Variants in SSBP3 observed in about 807,000 individuals in gnomAD.
SSBP3 encodes single-stranded DNA-binding protein 3.
SSBP3 carries 5 observed loss-of-function variants against 69.6 expected under a neutral mutation model. The ratio of observed to expected loss-of-function variants is 0.07; its 90% CI spans 0.04 to 0.15. The LOEUF (loss-of-function observed/expected upper bound fraction) is 0.15, where lower values mean the gene tolerates loss of function less well. SSBP3 is among the 10% of genes least tolerant of loss of function. The pLI, the probability that SSBP3 is intolerant of heterozygous loss-of-function variation, is 1.00. For missense variants in SSBP3, 312 were observed against 534.0 expected, an observed-to-expected ratio of 0.58 and a Z score of 4.10; for synonymous variants, 196 against 193.4, an observed-to-expected ratio of 1.01 and a Z score of -0.11.
intron 4 of SSBP3, among the ~76,000 whole-genome samples, chr1:54,306,031 G>A (rs768622847): frequency 5.3e-5 from 8 of 151,622 alleles, no homozygotes; most frequent in Admixed American, 1.3e-4. Flanking sequence ...GCCCTTCCCA[G>A]ACTTCCCCCA....
chr1:54,323,945 A>T (rs1356346088), intron 4 of SSBP3, among the ~76,000 whole-genome samples: 1 of 152,230 alleles, frequency 6.6e-6, no homozygotes, highest in Non-Finnish European at 1.5e-5. Context: ...TTAACTGAGT[A>T]TCATTTATAG....
intron 4 of SSBP3, among the ~76,000 whole-genome samples, chr1:54,367,256 G>GC (rs1321627163): frequency 6.6e-6 from 1 of 151,992 alleles, no homozygotes; most frequent in Non-Finnish European, 1.5e-5. Context: ...ATAAACCCCC[G>GC]CCCTGATACT....
intron 4 of SSBP3, among the ~76,000 whole-genome samples, chr1:54,316,665 T>TAAAAAA (rs1378398010): frequency 4.8e-5 from 1 of 20,650 alleles, no homozygotes; most frequent in African/African-American, 1.2e-4. Flanking sequence ...AAAAATAAAA[T>TAAAAAA]AAATAAATAA....
intron 4 of SSBP3, among the ~76,000 whole-genome samples, chr1:54,390,633 G>A (rs1648416228): frequency 2.6e-5 from 4 of 152,192 alleles, no homozygotes; most frequent in East Asian, 1.9e-4. Context: ...TGGCTTCCCC[G>A]ATGCTGAAAT....
chr1:54,401,803 A>T, intron 4 of SSBP3, 58 bp downstream of exon 4: 1 of 1,450,040 alleles, frequency 6.9e-7, no homozygotes, highest in Non-Finnish European at 9.6e-7. Context: ...TTCGTACTAG[A>T]GAAGTTAGAG....
intron 4 of SSBP3, among the ~76,000 whole-genome samples, chr1:54,363,141 G>A (rs12038092): frequency 6.6e-6 from 1 of 152,020 alleles, no homozygotes; most frequent in African/African-American, 2.4e-5. Flanking sequence ...CACAGCCCCT[G>A]AACAGCTGGA....
At chr1:54,291,958 C>T (rs532411774) in intron 4 of SSBP3, among the ~76,000 whole-genome samples, 4 of 152,308 alleles carry the variant, frequency 2.6e-5, no homozygotes, top group South Asian at 2.1e-4. Flanking sequence ...AGGCTGCTCT[C>T]GGGCACCTGC....
At chr1:54,397,511 GAGGAGTC>G (rs1436163865) in intron 4 of SSBP3, among the ~76,000 whole-genome samples, 1 of 152,158 alleles carries the variant, frequency 6.6e-6, no homozygotes. Context: ...TCTGCTGAGG[GAGGAGTC>G]AGCAGTCTTG....
intron 4 of SSBP3, among the ~76,000 whole-genome samples, chr1:54,338,246 G>A (rs1031245952): frequency 2.6e-5 from 4 of 152,336 alleles, no homozygotes; most frequent in South Asian, 2.1e-4. Flanking sequence ...CGGCACCTAC[G>A]GCAGGGCGGG....
intron 1 of SSBP3, chr1:54,412,559 G>A (rs546576585): frequency 6.6e-6 from 1 of 152,208 alleles, no homozygotes; most frequent in African/African-American, 2.4e-5. Context: ...TGGGGAGTTA[G>A]CGTTTAATGA....
chr1:54,232,711 GC>G (rs1268044334), intron 14 of SSBP3, among the ~76,000 whole-genome samples: 3 of 151,166 alleles, frequency 2.0e-5, no homozygotes, highest in Admixed American at 2.0e-4. Context: ...TCCTGCCTCA[GC>G]CTGCCGAGTG....
At chr1:54,303,307 C>T (rs189485437) in intron 4 of SSBP3, among the ~76,000 whole-genome samples, 50 of 151,996 alleles carry the variant, frequency 3.3e-4, no homozygotes, top group African/African-American at 1.1e-3. Context: ...TAGATGATCC[C>T]TTTTGACACT....
chr1:54,394,503 G>A (rs1295632771), intron 4 of SSBP3, among the ~76,000 whole-genome samples: 9 of 151,732 alleles, frequency 5.9e-5, no homozygotes. Context: ...TAGACAGTAA[G>A]CATAGTAGGA....
chr1:54,365,574 A>G lies in SSBP3; in HGVS notation c.276+36287T>C, dbSNP rs375171579. ...GCTGGCACGATGTGAGGGAAGGCAC[A>G]TGCCCTCCCACTCAAGTCACAGAAC... On this transcript the variant is annotated intron_variant, in intron 4 of 17. Transcript: ENST00000610401. Among the ~76,000 whole-genome samples, 11 of 152,192 alleles carry G rather than the reference A, an allele frequency of 7.2e-5. No homozygotes were observed. In the East Asian group the frequency reaches 1.2e-3, roughly 16 times the overall value.
At chr1:54,289,100 T>G (rs1004501924) in intron 4 of SSBP3, among the ~76,000 whole-genome samples, 1 of 150,532 alleles carries the variant, frequency 6.6e-6, no homozygotes, top group Non-Finnish European at 1.5e-5. Context: ...GGAAGAGTTC[T>G]GTGTGCTTTG....
At chr1:54,406,748 G>A (rs1649807980), upstream of SSBP3, among the ~76,000 whole-genome samples, 1 of 152,010 alleles carries the variant, frequency 6.6e-6, no homozygotes, top group South Asian at 2.1e-4. Context: ...GGCTAGGGGG[G>A]CGCTGCGGCA....
chr1:54,372,845 C>G (rs187281199), intron 4 of SSBP3, among the ~76,000 whole-genome samples: 1 of 152,236 alleles, frequency 6.6e-6, no homozygotes, highest in Non-Finnish European at 1.5e-5. Flanking sequence ...CAGGGCCACA[C>G]AGCTGGAGAA....
At chr1:54,406,388 C>T (rs1649776760) in exon 1 of SSBP3, 1 of 158,986 alleles carries the variant, frequency 6.3e-6, no homozygotes, top group Non-Finnish European at 1.3e-5. Context: ...GCCGCCGCCG[C>T]TGGTCTACTT....
At chr1:54,367,042 A>C (rs1487915890) in intron 4 of SSBP3, among the ~76,000 whole-genome samples, 2 of 152,176 alleles carry the variant, frequency 1.3e-5, no homozygotes, top group Non-Finnish European at 2.9e-5. Context: ...CATGGGGATC[A>C]CCTGAAGTAG....
Sources: allele counts gnomAD v4.1 joint callset (sites outside exome capture counted in the v4.1 genomes callset), GRCh38; gene constraint gnomAD v4.1.1; transcripts MANE v1.5; gene names NCBI Gene and HGNC (gene_info 2026-07-23, HGNC 2026-07-21).